Variants in DTNA observed in about 807,000 individuals in gnomAD.
DTNA encodes dystrobrevin alpha, also known as dystrophin-related protein 3.
DTNA carries 43 observed loss-of-function variants against 100.7 expected under a neutral mutation model. That is an observed-to-expected ratio of 0.43 (90% CI 0.33 to 0.55). The LOEUF (loss-of-function observed/expected upper bound fraction) is 0.55, where lower values mean the gene tolerates loss of function less well. Ranked by LOEUF, DTNA falls within the 20% of genes least tolerant of loss-of-function variation. DTNA has a pLI of 0.04. For missense variants in DTNA, 798 were observed against 953.9 expected (o/e 0.84, Z 2.15); for synonymous variants, 349 against 347.9 (o/e 1.00, Z -0.04).
At position 34,524,181 on chromosome 18, in the gene DTNA, G is replaced by A. The variant is rs112418403; in HGVS notation, c.-2+30667G>A. ...ACCATATTACACATAAACACAAATAGTGACTTTTGTGTATTAATAAAATAA... is the reference window on the plus strand; with the variant it reads ...ACCATATTACACATAAACACAAATAATGACTTTTGTGTATTAATAAAATAA... On this transcript the variant is annotated intron_variant, in intron 1 of 19. Transcript: ENST00000283365. Among the ~76,000 whole-genome samples the A allele has an allele frequency of 1.5e-3, 226 of 152,250 alleles. 1 individual carries two copies. The highest frequency in any genetic ancestry group is 5.1e-3 in the African/African-American group (213 of 41,552).
chr18:34,817,849 G>A (rs2095630432), intron 7 of DTNA: 1 of 911,956 alleles, frequency 1.1e-6, no homozygotes, highest in Middle Eastern at 4.7e-4. Flanking sequence ...TTGGGGTAAA[G>A]GCAAGTCTGT....
At chr18:34,840,592 GCCA>G (rs2096249795) in intron 13 of DTNA, among the ~76,000 whole-genome samples, 2 of 152,042 alleles carry the variant, frequency 1.3e-5, no homozygotes, top group African/African-American at 4.8e-5. Flanking sequence ...GTCACTACCA[GCCA>G]TTTTCCCTAC....
intron 11 of DTNA, among the ~76,000 whole-genome samples, chr18:34,830,194 C>A (rs1029290295): frequency 7.9e-5 from 12 of 151,762 alleles, no homozygotes; most frequent in Admixed American, 7.9e-4. Flanking sequence ...ATGGCTCTGC[C>A]CTCACCCCTA....
chr18:34,753,354 T>A (rs2092478696), intron 1 of DTNA, among the ~76,000 whole-genome samples: 1 of 134,088 alleles, frequency 7.5e-6, no homozygotes, highest in African/African-American at 3.1e-5. Context: ...TATTTATTTA[T>A]TTATTTATTT....
intron 1 of DTNA, among the ~76,000 whole-genome samples, chr18:34,552,430 A>G (rs2045532213): frequency 6.6e-6 from 1 of 151,450 alleles, no homozygotes. Context: ...CACAATGTGC[A>G]GGTTAGTTAC....
rs745634387 is a variant in DTNA at position 34,725,185 on chromosome 18, G to A, written c.-2+14740G>A. ...CAATACCATTCAGGAGATAGGCATG[G>A]GCAAAGACTTCATGACTAAAACACC... On this transcript the variant is annotated intron_variant, in intron 1 of 22. Coordinates refer to ENST00000444659, the MANE Select transcript of DTNA (RefSeq NM_001386795.1). Among the ~76,000 whole-genome samples the A allele has an allele frequency of 3.7e-4, 57 of 152,166 alleles. 1 individual carries two copies. The highest frequency in any genetic ancestry group is 4.1e-4 in the South Asian group (2 of 4,824).
At chr18:34,701,278 G>T (rs1203555746) in intron 1 of DTNA, among the ~76,000 whole-genome samples, 1 of 152,102 alleles carries the variant, frequency 6.6e-6, no homozygotes, top group Non-Finnish European at 1.5e-5. Context: ...AAAGGTTCTT[G>T]TTAAGTCACT....
rs1412723269 is a variant in DTNA at position 34,774,488 on chromosome 18, T to C, written c.148+8447T>C. Among the ~76,000 whole-genome samples, 3 of 152,242 alleles carry C rather than the reference T, an allele frequency of 2.0e-5. No homozygotes were observed. In the East Asian group the frequency reaches 5.8e-4, roughly 29 times the overall value. On this transcript the variant is annotated intron_variant, in intron 3 of 22. Coordinates refer to ENST00000444659, the MANE Select transcript of DTNA (RefSeq NM_001386795.1). ...CTGGGTTCACTCCTCACTGAGGTTT[T>C]GTTAACATTCATTGTTATTAGCAAT...
At chr18:34,855,904 CT>C (rs2150018760) in intron 15 of DTNA, among the ~76,000 whole-genome samples, 1 of 152,186 alleles carries the variant, frequency 6.6e-6, no homozygotes, top group African/African-American at 2.4e-5. Flanking sequence ...AGCAGGACTT[CT>C]TTTGAGGAAA....
chr18:34,519,157 T>C lies in DTNA; in HGVS notation c.-2+25643T>C, dbSNP rs139112184. 2.9e-3 allele frequency among the ~76,000 whole-genome samples: 448 copies of C among 152,290 alleles called. 1 individual carries two copies. The highest frequency in any genetic ancestry group is 0.01 in the African/African-American group (426 of 41,568). On this transcript the variant is annotated intron_variant, in intron 1 of 19. Coordinates refer to the DTNA transcript ENST00000283365. ...AGATAATGATTTTGTTTTAAACTTC[T>C]TGAGTTTGAGAAAGCCATTAAACAT...
intron 3 of DTNA, among the ~76,000 whole-genome samples, chr18:34,771,618 T>C (rs2148618014): frequency 6.6e-6 from 1 of 152,328 alleles, no homozygotes; most frequent in South Asian, 2.1e-4. Context: ...TTCCCCATGA[T>C]GTAACTAGCA....
intron 15 of DTNA, among the ~76,000 whole-genome samples, chr18:34,853,478 T>A (rs1014584836): frequency 6.6e-6 from 1 of 152,164 alleles, no homozygotes; most frequent in Non-Finnish European, 1.5e-5. Context: ...TTTTCATATT[T>A]TTTTCTAGTA....
At chr18:34,672,315 T>G (rs2076868292) in intron 1 of DTNA, among the ~76,000 whole-genome samples, 1 of 152,186 alleles carries the variant, frequency 6.6e-6, no homozygotes, top group African/African-American at 2.4e-5. Flanking sequence ...TAGTGATTAT[T>G]TGTGTAGGTA....
At chr18:34,534,529 G>A (rs2043482366) in intron 1 of DTNA, among the ~76,000 whole-genome samples, 1 of 151,826 alleles carries the variant, frequency 6.6e-6, no homozygotes, top group Non-Finnish European at 1.5e-5. Flanking sequence ...AGAACATGCA[G>A]GTTTGTTAGA....
intron 1 of DTNA, among the ~76,000 whole-genome samples, chr18:34,550,503 C>T (rs186987303): frequency 8.5e-5 from 13 of 152,182 alleles, no homozygotes; most frequent in African/African-American, 2.4e-4. Context: ...GCAGGTGAAT[C>T]GACACATTTT....
chr18:34,843,067 A>G (rs1307933174), intron 13 of DTNA, among the ~76,000 whole-genome samples: 1 of 152,192 alleles, frequency 6.6e-6, no homozygotes, highest in Non-Finnish European at 1.5e-5. Context: ...GTAGTGCAGT[A>G]GCTAAAAAAA....
chr18:34,633,319 A>C (rs1344264156), intron 1 of DTNA, among the ~76,000 whole-genome samples: 3 of 152,176 alleles, frequency 2.0e-5, no homozygotes, highest in Non-Finnish European at 2.9e-5. Flanking sequence ...TGTCAAAGCT[A>C]TGATGTTGCA....
intron 20 of DTNA, 54 bp from the exon 21 acceptor site, chr18:34,882,015 T>C: frequency 6.2e-7 from 1 of 1,613,406 alleles, no homozygotes; most frequent in Non-Finnish European, 8.5e-7. Context: ...TGAATCCCGC[T>C]TGTAATTCTC....
rs2045988650 is a variant in DTNA at position 34,555,950 on chromosome 18, G to A, written c.-2+62436G>A. Among the ~76,000 whole-genome samples, 3 of 150,676 alleles carry A rather than the reference G, an allele frequency of 2.0e-5. No individual in the cohort carries two copies. The South Asian group carries it at 6.3e-4, about 32-fold the overall frequency. ...TGTTGACTTTCTGTCTCGTTGATCT[G>A]TCTAATGTTGACAGTGGGGTGTTAA... On this transcript the variant is annotated intron_variant, in intron 1 of 19. Coordinates refer to the DTNA transcript ENST00000283365.
Sources: gnomAD v4.1 joint callset for allele counts (sites outside exome capture counted in the v4.1 genomes callset) on GRCh38, gnomAD v4.1.1 for gene constraint, MANE v1.5 for transcripts, NCBI Gene and HGNC (gene_info 2026-07-23, HGNC 2026-07-21) for gene names.